Variants in CPLANE1 observed in about 807,000 individuals in gnomAD.
The protein encoded by CPLANE1 is ciliogenesis and planar polarity effector 1.
In CPLANE1, 263 loss-of-function variants were observed where a neutral mutation model predicts 362.5. The ratio of observed to expected loss-of-function variants is 0.73; its 90% CI spans 0.66 to 0.80. The LOEUF (loss-of-function observed/expected upper bound fraction) is 0.80. CPLANE1 is among the 30% of genes least tolerant of loss of function. CPLANE1 has a pLI of 0.00. For synonymous variants in CPLANE1, 1,212 were observed against 1,302.6 expected, an observed-to-expected ratio of 0.93 and a Z score of 1.50; for missense variants, 3,461 against 3,793.4, an observed-to-expected ratio of 0.91 and a Z score of 2.30.
At chr5:37,240,692 C>T (rs1800195147) in intron 6 of CPLANE1, among the ~76,000 whole-genome samples, 2 of 152,138 alleles carry the variant, frequency 1.3e-5, no homozygotes, top group Non-Finnish European at 2.9e-5. Context: ...GGATTATTTT[C>T]AACACGAGAC....
intron 18 of CPLANE1, among the ~76,000 whole-genome samples, chr5:37,203,634 T>C (rs1038915537): frequency 3.2e-4 from 48 of 152,246 alleles, no homozygotes; most frequent in Middle Eastern, 6.8e-3. Context: ...CCACTTTAGT[T>C]AGCTTCCCAA....
intron 43 of CPLANE1, among the ~76,000 whole-genome samples, chr5:37,146,522 CTGA>C (rs1387285815): frequency 6.6e-6 from 1 of 152,018 alleles, no homozygotes; most frequent in Non-Finnish European, 1.5e-5. Context: ...CATTTGAACT[CTGA>C]TTAGATATAT....
chr5:37,121,492 C>A, intron 49 of CPLANE1, 125 bp downstream of exon 49: 2 of 865,702 alleles, frequency 2.3e-6, no homozygotes, highest in Non-Finnish European at 3.5e-6. Context: ...TACTTTTTTC[C>A]TTTATCATCA....
chr5:37,175,247 G>A (rs1197535818), intron 31 of CPLANE1, among the ~76,000 whole-genome samples: 3 of 152,208 alleles, frequency 2.0e-5, no homozygotes, highest in Admixed American at 6.5e-5. Flanking sequence ...GGTAAACTGA[G>A]CTGTAGGTAC....
rs780415009 is a variant in CPLANE1, at chr5:37,186,390, G to A, written c.4085C>T (p.Ala1362Val). Residue 1362 changes from alanine to valine, a missense_variant, in exon 24 of 53, where the codon GCA (alanine) becomes GTA (valine). Transcript: ENST00000651892. ...GGGAAATGCTTTCACGAAAATTTCT[G>A]CTACCTTCAGAAAAAAAATTGTTTA... ...IGELPPIRKV[A>V]EIFVKAFPYP... 2 of 1,508,406 alleles carry A rather than the reference G, an allele frequency of 1.3e-6. No individual in the cohort carries two copies. The highest frequency in any genetic ancestry group is 2.8e-5 in the African/African-American group (2 of 72,702). The allele number at this position is 1,508,406 out of a possible 1,614,324, so 93.4% of individuals were successfully genotyped here.
the CPLANE1 span, among the ~76,000 whole-genome samples, chr5:37,095,368 C>T: frequency 5.3e-5 from 8 of 152,124 alleles, no homozygotes; most frequent in East Asian, 1.9e-4. Flanking sequence ...GAAAAGCATT[C>T]GACAAAACCC....
chr5:37,105,339 A>G (rs920774605), downstream of CPLANE1, among the ~76,000 whole-genome samples: 1 of 152,070 alleles, frequency 6.6e-6, no homozygotes, highest in African/African-American at 2.4e-5. Flanking sequence ...AAAACAAAAA[A>G]CAAAACAAAA....
chr5:37,168,087 C>A (rs1367898100), intron 34 of CPLANE1, among the ~76,000 whole-genome samples: 1 of 152,178 alleles, frequency 6.6e-6, no homozygotes, highest in Non-Finnish European at 1.5e-5. Flanking sequence ...TACTCAATTA[C>A]CTCCCTAAGA....
intron 42 of CPLANE1, among the ~76,000 whole-genome samples, chr5:37,150,402 C>A (rs1773156385): frequency 1.3e-5 from 2 of 152,094 alleles, no homozygotes; most frequent in Admixed American, 6.6e-5. Context: ...AAATCTGTAC[C>A]TTCAGCCCAG....
At chr5:37,207,214 C>G (rs565370613) in intron 16 of CPLANE1, among the ~76,000 whole-genome samples, 1 of 152,192 alleles carries the variant, frequency 6.6e-6, no homozygotes, top group East Asian at 1.9e-4. Context: ...CTCATTCTCT[C>G]AAAATAAAAG....
chr5:37,084,712 A>AG, the CPLANE1 span, among the ~76,000 whole-genome samples: 1 of 152,050 alleles, frequency 6.6e-6, no homozygotes, highest in Non-Finnish European at 1.5e-5. Flanking sequence ...CCCAGGAGGC[A>AG]GAGAGCTGAG....
intron 18 of CPLANE1, among the ~76,000 whole-genome samples, chr5:37,204,890 C>T (rs1255870684): frequency 2.0e-5 from 3 of 152,202 alleles, no homozygotes; most frequent in Non-Finnish European, 2.9e-5. Flanking sequence ...GGCGCAGTGG[C>T]TCATGCCTGT....
At chr5:37,081,730 C>T in the CPLANE1 span, among the ~76,000 whole-genome samples, 1 of 152,078 alleles carries the variant, frequency 6.6e-6, no homozygotes, top group Non-Finnish European at 1.5e-5. Context: ...CATCAACCTA[C>T]AAATCCAAGA....
intron 15 of CPLANE1, 90 bp from the exon 16 acceptor site, chr5:37,213,822 T>G: frequency 9.5e-7 from 1 of 1,057,560 alleles, no homozygotes; most frequent in Non-Finnish European, 1.3e-6. Context: ...AAAAGAAAAT[T>G]GCAATACCTT....
intron 37 of CPLANE1, among the ~76,000 whole-genome samples, chr5:37,163,026 G>A (rs192250029): frequency 0.01 from 1,531 of 152,274 alleles, 10 homozygotes; most frequent in Non-Finnish European, 0.016. Context: ...GAATCTCAAA[G>A]ACATGGTAGA....
chr5:37,192,961 A>T (rs1333114110), intron 21 of CPLANE1, among the ~76,000 whole-genome samples: 1 of 150,822 alleles, frequency 6.6e-6, no homozygotes, highest in East Asian at 2.0e-4. Flanking sequence ...GAGGTCAGGA[A>T]TTCAAGACCA....
chr5:37,112,909 T>C (rs1465347058), intron 51 of CPLANE1, among the ~76,000 whole-genome samples: 2 of 152,232 alleles, frequency 1.3e-5, no homozygotes, highest in East Asian at 3.8e-4. Flanking sequence ...CACAAAACCC[T>C]GGATCTCCGG....
intron 47 of CPLANE1, among the ~76,000 whole-genome samples, chr5:37,124,413 G>A (rs761586896): frequency 2.0e-5 from 3 of 152,010 alleles, no homozygotes; most frequent in African/African-American, 4.8e-5. Flanking sequence ...TAAATGCTGA[G>A]TTTTAAAAAC....
intron 42 of CPLANE1, among the ~76,000 whole-genome samples, chr5:37,152,714 C>T (rs778061530): frequency 2.0e-5 from 3 of 151,944 alleles, no homozygotes; most frequent in Admixed American, 6.6e-5. Flanking sequence ...AGGGAGAACT[C>T]GTCTCCACAA....
Sources: gnomAD v4.1 joint callset for allele counts (sites outside exome capture counted in the v4.1 genomes callset) on GRCh38, gnomAD v4.1.1 for gene constraint, MANE v1.5 for transcripts, NCBI Gene and HGNC (gene_info 2026-07-23, HGNC 2026-07-21) for gene names.